GAREM1: variants seen among roughly 807,000 people sequenced by gnomAD.
GAREM1 encodes GRB2-associated and regulator of MAPK protein 1.
In GAREM1, 26 loss-of-function variants were observed where a neutral mutation model predicts 71.3. That is an observed-to-expected ratio of 0.36 (90% CI 0.27 to 0.51). The LOEUF (loss-of-function observed/expected upper bound fraction) is 0.51. Among genes scored for constraint, GAREM1 ranks in the 20% least tolerant of loss-of-function variants. The probability of loss-of-function intolerance (pLI) is 0.95; values close to 1 mark genes in which losing one functional copy is unlikely to be tolerated. For missense variants in GAREM1, 1,026 were observed against 1,103.1 expected (o/e 0.93, Z 0.99); for synonymous variants, 440 against 433.2 (o/e 1.02, Z -0.20).
In GAREM1 at chr18:32,305,274, T is replaced by C. The variant is rs545311879; in HGVS notation, c.393+4919A>G. 2.6e-5 allele frequency among the ~76,000 whole-genome samples: 4 copies of C among 152,252 alleles called. No individual in the cohort carries two copies. The South Asian group carries it at 8.3e-4, about 32-fold the overall frequency. Reference sequence around the variant, plus strand: ...ACATATCCTTTTATTTTCTGTACTCTCTCATCTCCCACTTTCTGTTTCTAC... The same window carrying C: ...ACATATCCTTTTATTTTCTGTACTCCCTCATCTCCCACTTTCTGTTTCTAC... On this transcript the variant is annotated intron_variant, in intron 3 of 5. Transcript: ENST00000269209.
At chr18:32,283,527 C>T (rs903366298) in intron 4 of GAREM1, among the ~76,000 whole-genome samples, 1 of 151,922 alleles carries the variant, frequency 6.6e-6, no homozygotes. Context: ...GCCTGGGCAA[C>T]AGAGCCAGAC....
chr18:32,325,016 G>A (rs1375201143), intron 2 of GAREM1, among the ~76,000 whole-genome samples: 3 of 152,156 alleles, frequency 2.0e-5, no homozygotes, highest in Admixed American at 1.3e-4. Context: ...GCAGTGGTGC[G>A]ATCTTGGCTC....
intron 2 of GAREM1, among the ~76,000 whole-genome samples, chr18:32,381,511 TTACC>T (rs1191554528): frequency 6.6e-6 from 1 of 152,234 alleles, no homozygotes; most frequent in Non-Finnish European, 1.5e-5. Context: ...CTCATTCCTC[TTACC>T]TAAGTATCGT....
intron 2 of GAREM1, among the ~76,000 whole-genome samples, chr18:32,376,111 T>TA (rs2048028368): frequency 6.6e-6 from 1 of 152,054 alleles, no homozygotes. Flanking sequence ...AACCTATTGA[T>TA]AAAATCCTCC....
chr18:32,454,788 A>C (rs1418810671), intron 1 of GAREM1, among the ~76,000 whole-genome samples: 1 of 152,126 alleles, frequency 6.6e-6, no homozygotes, highest in Non-Finnish European at 1.5e-5. Context: ...GAGTGTGTGC[A>C]CCTGTGTGTG....
chr18:32,388,143 T>C (rs1459927278), intron 2 of GAREM1, among the ~76,000 whole-genome samples: 1 of 152,064 alleles, frequency 6.6e-6, no homozygotes, highest in Admixed American at 6.6e-5. Flanking sequence ...TATACCCAAA[T>C]GGAGAAACAT....
At chr18:32,324,190 C>T (rs2047454261) in intron 2 of GAREM1, among the ~76,000 whole-genome samples, 1 of 152,150 alleles carries the variant, frequency 6.6e-6, no homozygotes, top group Non-Finnish European at 1.5e-5. Context: ...TAGGAATTTT[C>T]AGTACTATGG....
At chr18:32,289,395 A>G (rs2047057101) in intron 3 of GAREM1, among the ~76,000 whole-genome samples, 1 of 152,218 alleles carries the variant, frequency 6.6e-6, no homozygotes, top group African/African-American at 2.4e-5. Flanking sequence ...GAGGTAAAGC[A>G]TGCATGCTGA....
intron 1 of GAREM1, among the ~76,000 whole-genome samples, chr18:32,395,571 T>C (rs933904084): frequency 2.0e-5 from 3 of 152,210 alleles, no homozygotes; most frequent in East Asian, 3.8e-4. Context: ...TTATCTTTTA[T>C]GCAAAAGGCA....
intron 2 of GAREM1, among the ~76,000 whole-genome samples, chr18:32,381,449 C>T (rs993059898): frequency 6.6e-6 from 1 of 152,144 alleles, no homozygotes; most frequent in Admixed American, 6.5e-5. Flanking sequence ...TCCTTAAAAG[C>T]TAGGGGAAAA....
At chr18:32,292,567 T>A (rs1598936203) in intron 3 of GAREM1, among the ~76,000 whole-genome samples, 1 of 152,142 alleles carries the variant, frequency 6.6e-6, no homozygotes, top group East Asian at 1.9e-4. Flanking sequence ...GATAATTGAA[T>A]CATGGGGATG....
At chr18:32,417,774 A>C (rs964959459) in intron 1 of GAREM1, among the ~76,000 whole-genome samples, 1 of 152,134 alleles carries the variant, frequency 6.6e-6, no homozygotes, top group Non-Finnish European at 1.5e-5. Context: ...GACACACACA[A>C]AAAAAGTAAA....
chr18:32,410,864 G>A (rs747776788), intron 1 of GAREM1, among the ~76,000 whole-genome samples: 68 of 152,178 alleles, frequency 4.5e-4, no homozygotes, highest in Non-Finnish European at 7.6e-4. Context: ...GTGCAGTGGA[G>A]CAATCTCGGC....
rs35881689 is a variant in GAREM1, at chr18:32,380,474, TAAAAAAAAA to T, written c.262+12412_262+12420del. On this transcript the variant is annotated intron_variant, in intron 2 of 5. Coordinates refer to ENST00000269209, the MANE Select transcript of GAREM1 (RefSeq NM_001242409.2). ...CTGGGCGACAGAGTGAGACTTCATTTAAAAAAAAAAAAAAAAAAAAAAAAGCAAGAAATC... is the reference window on the plus strand; with the variant it reads ...CTGGGCGACAGAGTGAGACTTCATTTAAAAAAAAAAAAAAAGCAAGAAATC... Among the ~76,000 whole-genome samples, 389 of 92,450 alleles carry T rather than the reference TAAAAAAAAA, an allele frequency of 4.2e-3. 3 individuals are homozygous for T. Among genetic ancestry groups the T allele is most frequent in the African/African-American group, 0.016 (375 of 22,856 alleles). The allele number at this position is 92,450 out of a possible 152,430, so 60.7% of individuals were successfully genotyped here.
chr18:32,453,624 G>A (rs1340800680), intron 1 of GAREM1, among the ~76,000 whole-genome samples: 4 of 152,066 alleles, frequency 2.6e-5, no homozygotes, highest in Non-Finnish European at 5.9e-5. Context: ...TCATAAGTAC[G>A]TTGTCATTGG....
intron 2 of GAREM1, among the ~76,000 whole-genome samples, chr18:32,332,621 T>G (rs746404072): frequency 6.6e-6 from 1 of 152,128 alleles, no homozygotes; most frequent in Non-Finnish European, 1.5e-5. Context: ...CTCTCAGCAC[T>G]TCAGTAGCTG....
At chr18:32,464,167 T>C (rs1392401084) in intron 1 of GAREM1, among the ~76,000 whole-genome samples, 1 of 151,942 alleles carries the variant, frequency 6.6e-6, no homozygotes, top group Non-Finnish European at 1.5e-5. Flanking sequence ...AGTGCATGCC[T>C]GTAAGCCCAG....
At chr18:32,309,228 G>A (rs1223395465) in intron 3 of GAREM1, among the ~76,000 whole-genome samples, 1 of 149,776 alleles carries the variant, frequency 6.7e-6, no homozygotes, top group Non-Finnish European at 1.5e-5. Flanking sequence ...GGCCTGGTTG[G>A]TGGCTTGCTT....
intron 2 of GAREM1, among the ~76,000 whole-genome samples, chr18:32,316,715 T>C (rs964026989): frequency 2.0e-5 from 3 of 152,206 alleles, no homozygotes; most frequent in African/African-American, 7.2e-5. Context: ...CAAAGTGTGC[T>C]GGGATTACAG....
Sources: allele counts gnomAD v4.1 joint callset (sites outside exome capture counted in the v4.1 genomes callset), GRCh38; gene constraint gnomAD v4.1.1; transcripts MANE v1.5; gene names NCBI Gene and HGNC (gene_info 2026-07-23, HGNC 2026-07-21).